The following SLC25A31 variants were observed in gnomAD, a reference collection of about 807,000 sequenced individuals.
The protein encoded by SLC25A31 is ADP/ATP translocase 4.
In SLC25A31, 40 loss-of-function variants were observed where a neutral mutation model predicts 36.2. The ratio of observed to expected loss-of-function variants is 1.10; its 90% confidence interval spans 0.86 to 1.44. SLC25A31 has a LOEUF of 1.44. SLC25A31 is among the 40% of genes most tolerant of loss of function. The probability of loss-of-function intolerance (pLI) is 0.00; values close to 1 mark genes in which losing one functional copy is unlikely to be tolerated. For synonymous variants in SLC25A31, 143 were observed against 149.7 expected, an observed-to-expected ratio of 0.96 and a Z score of 0.32; for missense variants, 350 against 397.1, an observed-to-expected ratio of 0.88 and a Z score of 1.01.
intron 1 of SLC25A31, among the ~76,000 whole-genome samples, chr4:127,732,437 A>G (rs1471332490): frequency 6.6e-6 from 1 of 152,108 alleles, no homozygotes; most frequent in Non-Finnish European, 1.5e-5. Flanking sequence ...ATTTCCCCCA[A>G]GATTTTTTCA....
intron 5 of SLC25A31, among the ~76,000 whole-genome samples, chr4:127,769,779 A>G (rs1218365397): frequency 6.6e-6 from 1 of 152,228 alleles, no homozygotes; most frequent in African/African-American, 2.4e-5. Context: ...GTGGTCTCCT[A>G]GAGAGCTAAA....
intron 3 of SLC25A31, 105 bp downstream of exon 3, chr4:127,764,465 C>A: frequency 1.1e-6 from 1 of 940,624 alleles, no homozygotes. Context: ...ATAAAGTCTA[C>A]GAACTTTGTT....
chr4:127,747,591 T>A (rs1403454207), intron 2 of SLC25A31, among the ~76,000 whole-genome samples: 2 of 152,220 alleles, frequency 1.3e-5, no homozygotes, highest in African/African-American at 4.8e-5. Flanking sequence ...GATCCCTAGT[T>A]TCCTCTTCTA....
intron 1 of SLC25A31, among the ~76,000 whole-genome samples, chr4:127,737,134 A>G (rs1167706294): frequency 6.6e-6 from 1 of 152,226 alleles, no homozygotes; most frequent in Non-Finnish European, 1.5e-5. Flanking sequence ...AGTGTGATCT[A>G]TGGGAAAAGA....
intron 1 of SLC25A31, among the ~76,000 whole-genome samples, chr4:127,740,524 A>G (rs1731713079): frequency 1.3e-5 from 2 of 152,192 alleles, no homozygotes; most frequent in South Asian, 2.1e-4. Context: ...CTTGACCCCT[A>G]TTTACTGGGA....
chr4:127,754,711 T>C (rs1425303909), intron 2 of SLC25A31, among the ~76,000 whole-genome samples: 2 of 152,234 alleles, frequency 1.3e-5, no homozygotes, highest in African/African-American at 4.8e-5. Flanking sequence ...GTTCATAGTT[T>C]GGAAAAATTA....
intron 2 of SLC25A31, among the ~76,000 whole-genome samples, chr4:127,751,802 A>G (rs76617140): frequency 0.52 from 78,518 of 151,674 alleles, 22,813 homozygotes; most frequent in Middle Eastern, 0.74. Flanking sequence ...TATGCAGCCA[A>G]CAGACACATG....
At chr4:127,756,241 G>A (rs1732029280) in intron 2 of SLC25A31, among the ~76,000 whole-genome samples, 2 of 152,122 alleles carry the variant, frequency 1.3e-5, no homozygotes, top group Non-Finnish European at 1.5e-5. Context: ...TGTATTCAGT[G>A]GAATATTACT....
chr4:127,730,848 T>A (rs1731510620), intron 1 of SLC25A31, 71 bp downstream of exon 1: 1 of 1,430,096 alleles, frequency 7.0e-7, no homozygotes, highest in Admixed American at 2.0e-5. Flanking sequence ...AGAGGGTGGC[T>A]GGGAGGGGCA....
intron 3 of SLC25A31, among the ~76,000 whole-genome samples, chr4:127,765,629 T>C (rs115209170): frequency 0.013 from 2,041 of 152,174 alleles, 31 homozygotes; most frequent in South Asian, 0.061. Context: ...ATGTAAGACA[T>C]AGAGCTCATG....
Position 127,764,270 on chromosome 4 carries a change from G to C in SLC25A31, c.388G>C (p.Ala130Pro), listed in dbSNP as rs1226188652. The change falls in exon 3 of 6, where the codon GCT becomes CCT. Residue 130 changes from alanine to proline, a missense_variant. By Grantham distance (27) the Ala-to-Pro change is conservative. Coordinates refer to ENST00000281154, the MANE Select transcript of SLC25A31 (RefSeq NM_031291.4). ...QFWRWFLANL[A>P]SGGAAGATSL... ...CTGGAGGTGGTTTTTGGCAAACCTG[G>C]CTTCTGGTGGAGCTGCTGGGGCAAC... 1.9e-6 allele frequency: 3 copies of C among 1,613,682 alleles called. No individual in the cohort carries two copies.
chr4:127,742,187 C>T (rs994836584), intron 1 of SLC25A31, among the ~76,000 whole-genome samples: 1 of 152,110 alleles, frequency 6.6e-6, no homozygotes, highest in South Asian at 2.1e-4. Flanking sequence ...GCTCAATTGG[C>T]CCATGGAACT....
At chr4:127,773,007 T>C (rs1474098519) in intron 5 of SLC25A31, among the ~76,000 whole-genome samples, 1 of 152,142 alleles carries the variant, frequency 6.6e-6, no homozygotes, top group East Asian at 1.9e-4. Flanking sequence ...GGTCTCAAAC[T>C]CTTGGGCTCA....
intron 2 of SLC25A31, among the ~76,000 whole-genome samples, chr4:127,758,051 G>C (rs573594811): frequency 1.3e-5 from 2 of 152,208 alleles, no homozygotes; most frequent in South Asian, 4.2e-4. Flanking sequence ...AGCAAAAGTG[G>C]AAACCCCTGA....
chr4:127,757,313 T>G (rs1732049938), intron 2 of SLC25A31, among the ~76,000 whole-genome samples: 1 of 152,212 alleles, frequency 6.6e-6, no homozygotes, highest in Non-Finnish European at 1.5e-5. Flanking sequence ...GAGTTGCCAG[T>G]GTCTATTGTT....
intron 1 of SLC25A31, among the ~76,000 whole-genome samples, chr4:127,735,600 T>C (rs28570426): frequency 0.093 from 14,177 of 152,132 alleles, 1,351 homozygotes; most frequent in East Asian, 0.26. Flanking sequence ...AAATGTCTGC[T>C]GTGGAGGAGG....
intron 2 of SLC25A31, among the ~76,000 whole-genome samples, chr4:127,747,433 A>C (rs1238878923): frequency 6.6e-6 from 1 of 151,998 alleles, no homozygotes; most frequent in East Asian, 1.9e-4. Flanking sequence ...TCACCTCCGG[A>C]GGTGAAAGAT....
chr4:127,767,313 T>G, intron 4 of SLC25A31, 93 bp downstream of exon 4: 1 of 1,108,478 alleles, frequency 9.0e-7, no homozygotes, highest in South Asian at 3.0e-5. Context: ...CTTTTAATTA[T>G]AAAAATAAAA....
rs1322621253 is a variant in SLC25A31, at chr4:127,754,912, A to G, written c.361-9331A>G. Among the ~76,000 whole-genome samples, 9 of 152,328 alleles carry G rather than the reference A, an allele frequency of 5.9e-5. No individual in the cohort carries two copies. In the South Asian group the frequency reaches 1.5e-3, roughly 25 times the overall value. ...TGGTTTTAAAATCTGCTACAAAGCT[A>G]TAGTAATCAAAACAGCGTGAAAATG... On this transcript the variant is annotated intron_variant, in intron 2 of 5. Transcript: ENST00000281154.
Sources: allele counts gnomAD v4.1 joint callset (sites outside exome capture counted in the v4.1 genomes callset), GRCh38; gene constraint gnomAD v4.1.1; transcripts MANE v1.5; gene names NCBI Gene and HGNC (gene_info 2026-07-23, HGNC 2026-07-21).